The following IQSEC1 variants were observed in gnomAD, a reference collection of about 807,000 sequenced individuals.
IQSEC1 encodes the protein IQ motif and SEC7 domain-containing protein 1.
Under a neutral mutation model 91.0 loss-of-function variants are expected in IQSEC1, and 31 were observed. That is an observed-to-expected ratio of 0.34 (90% confidence interval 0.26 to 0.46). The LOEUF (loss-of-function observed/expected upper bound fraction) is 0.46. Ranked by LOEUF, IQSEC1 falls within the 20% of genes least tolerant of loss-of-function variation. The pLI is 1.00. For missense variants in IQSEC1, 1,388 were observed against 1,575.6 expected, an observed-to-expected ratio of 0.88 and a Z score of 2.02; for synonymous variants, 699 against 662.6, an observed-to-expected ratio of 1.05 and a Z score of -0.84.
intron 1 of IQSEC1, chr3:13,053,166 G>A (rs1213000541): frequency 9.3e-6 from 7 of 750,158 alleles, no homozygotes; most frequent in African/African-American, 3.4e-5. Flanking sequence ...ATGGAGAAAG[G>A]AAGAGAGGGG....
intron 12 of IQSEC1, among the ~76,000 whole-genome samples, chr3:12,905,520 A>G (rs1419282330): frequency 6.6e-6 from 1 of 152,252 alleles, no homozygotes; most frequent in East Asian, 1.9e-4. Context: ...ACGGGCCCAC[A>G]GGGTCTGACC....
chr3:13,191,326 T>C (rs1694026242), intron 1 of IQSEC1, among the ~76,000 whole-genome samples: 1 of 152,196 alleles, frequency 6.6e-6, no homozygotes, highest in Non-Finnish European at 1.5e-5. Context: ...ATCTTCCTCA[T>C]GCTGCCATAG....
intron 1 of IQSEC1, among the ~76,000 whole-genome samples, chr3:13,258,662 G>A (rs1239645991): frequency 1.3e-5 from 2 of 152,046 alleles, no homozygotes; most frequent in Non-Finnish European, 2.9e-5. Flanking sequence ...ATCCAGCCTG[G>A]GCAACAGCAT....
At chr3:12,906,677 C>T (rs548984489) in intron 12 of IQSEC1, among the ~76,000 whole-genome samples, 12 of 152,364 alleles carry the variant, frequency 7.9e-5, no homozygotes, top group Middle Eastern at 3.4e-3. Flanking sequence ...ACCCCTCACA[C>T]GAACCTGGGG....
At chr3:12,946,571 A>G (rs1699197323) in intron 1 of IQSEC1, among the ~76,000 whole-genome samples, 1 of 152,236 alleles carries the variant, frequency 6.6e-6, no homozygotes, top group African/African-American at 2.4e-5. Flanking sequence ...ACATCTGGAA[A>G]TAACCTAAAT....
intron 1 of IQSEC1, among the ~76,000 whole-genome samples, chr3:13,245,055 A>C (rs2125107907): frequency 6.6e-6 from 1 of 152,346 alleles, no homozygotes; most frequent in East Asian, 1.9e-4. Flanking sequence ...TTGATGGCTT[A>C]AAACAGCCAA....
rs1696916413 is a variant in IQSEC1 at position 12,924,306 on chromosome 3, A to C, written c.1730+275T>G. 6.6e-6 allele frequency among the ~76,000 whole-genome samples: 1 copy of C among 152,076 alleles called. No individual in the cohort carries two copies. The highest frequency in any genetic ancestry group is 1.5e-5 in the Non-Finnish European group (1 of 67,986). ...TCAACCGTGCTTAGGGATGGAGGGA[A>C]GGGAGGGGCCAAGGGTGCATGCCAG... On this transcript the variant is annotated intron_variant, in intron 4 of 13. Transcript: ENST00000613206. This position sits in a 1 kb window ranked among gnomAD's most constrained non-coding sequence, Gnocchi z 6.3.
At chr3:13,121,703 C>A (rs1180462786) in intron 2 of IQSEC1, among the ~76,000 whole-genome samples, 1 of 152,196 alleles carries the variant, frequency 6.6e-6, no homozygotes, top group African/African-American at 2.4e-5. Flanking sequence ...CTGTGAGGTG[C>A]AAAAGAGAGC....
At chr3:12,903,606 G>A (rs1694625009) in intron 12 of IQSEC1, among the ~76,000 whole-genome samples, 1 of 152,222 alleles carries the variant, frequency 6.6e-6, no homozygotes, top group Non-Finnish European at 1.5e-5. Flanking sequence ...GTCAGAGCAA[G>A]GCCAGGTCTT....
Position 13,018,505 on chromosome 3 carries a change from G to A in IQSEC1, c.23+54487C>T, listed in dbSNP as rs146165623. 1.6e-3 allele frequency among the ~76,000 whole-genome samples: 243 copies of A among 152,336 alleles called. 1 individual carries two copies. Among genetic ancestry groups the A allele is most frequent in the African/African-American group, 4.1e-3 (172 of 41,562 alleles). On this transcript the variant is annotated intron_variant, in intron 1 of 13. Coordinates refer to ENST00000613206, the MANE Select transcript of IQSEC1 (RefSeq NM_001134382.3). ...AACGATCTTTCTTTTTCAATATAAT[G>A]CCAGATGCAAAAGTGATCTTCCTGC...
chr3:13,034,507 G>C (rs1016252046), intron 1 of IQSEC1, among the ~76,000 whole-genome samples: 28 of 152,208 alleles, frequency 1.8e-4, no homozygotes, highest in Admixed American at 2.6e-4. Flanking sequence ...GGCAGCCGGG[G>C]AGGAGGAGAG....
chr3:12,948,316 G>A (rs1699314809), intron 1 of IQSEC1, among the ~76,000 whole-genome samples: 1 of 152,244 alleles, frequency 6.6e-6, no homozygotes, highest in Admixed American at 6.5e-5. Context: ...CCCAAGCCAG[G>A]GTCACCTGCC....
At chr3:13,106,040 G>A (rs905269187) in intron 2 of IQSEC1, among the ~76,000 whole-genome samples, 1 of 152,298 alleles carries the variant, frequency 6.6e-6, no homozygotes, top group African/African-American at 2.4e-5. Flanking sequence ...CTATGATGGA[G>A]GTGGAGCCAC....
chr3:13,173,140 C>A (rs1431396342), intron 1 of IQSEC1, among the ~76,000 whole-genome samples: 5 of 152,222 alleles, frequency 3.3e-5, no homozygotes, highest in Non-Finnish European at 5.9e-5. Flanking sequence ...ATCTGAGAAA[C>A]CTCCAAGGAC....
intron 1 of IQSEC1, among the ~76,000 whole-genome samples, chr3:13,043,924 A>G (rs905464800): frequency 2.6e-5 from 4 of 152,208 alleles, no homozygotes; most frequent in Non-Finnish European, 5.9e-5. Flanking sequence ...AAACAGAGGC[A>G]CAGAGAAGAC....
At chr3:13,127,618 C>A (rs1057142195) in intron 2 of IQSEC1, among the ~76,000 whole-genome samples, 6 of 151,968 alleles carry the variant, frequency 3.9e-5, no homozygotes, top group African/African-American at 1.2e-4. Context: ...GGTCGTTTGC[C>A]TTTCTGGATA....
rs1476333859 is a variant in IQSEC1 at position 12,967,041 on chromosome 3, C to T, written c.24-25176G>A. Among the ~76,000 whole-genome samples, 1 of 151,964 alleles carries T rather than the reference C, an allele frequency of 6.6e-6. No individual in the cohort carries two copies. Among genetic ancestry groups the T allele is most frequent in the Non-Finnish European group, 1.5e-5 (1 of 67,990 alleles). On this transcript the variant is annotated intron_variant, in intron 1 of 13. Coordinates refer to ENST00000613206, the MANE Select transcript of IQSEC1 (RefSeq NM_001134382.3). The surrounding 1 kb of genome is among the most constrained non-coding windows in gnomAD (Gnocchi z 5.9). ...ACCCACACCGAGTCCCACTGTTTCC[C>T]TCTCAAGCCCCCAAACTCAAACTCA... is the stretch of plus-strand genomic sequence containing the variant.
Position 12,901,519 on chromosome 3 carries a change from A to G in IQSEC1, c.2809T>C (p.Ser937Pro). 1.3e-6 allele frequency: 2 copies of G among 1,547,802 alleles called. No homozygotes were observed. Among genetic ancestry groups the G allele is most frequent in the Non-Finnish European group, 8.7e-7 (1 of 1,145,882 alleles). ...CGCATGTGAGGACTGCTAATGATGG[A>G]CCCCTAAAAAGGAAATTCATAGAAA... ...AGSLESNVEG[S>P]IISSPHMRRR... is the part of the protein sequence containing the mutation. Residue 937 changes from serine to proline, a missense_variant, in exon 14 of 14, where the codon TCC (serine) becomes CCC (proline). This residue lies in a region of IQSEC1 where 329 missense variants were observed against 257.8 expected (regional missense o/e 1.28). Transcript: ENST00000613206.
chr3:12,909,212 G>T lies in IQSEC1; in HGVS notation c.2578+61C>A, dbSNP rs1209201436. 1.9e-6 allele frequency: 3 copies of T among 1,559,050 alleles called. No homozygotes were observed. In the African/African-American group the frequency reaches 4.1e-5, roughly 21 times the overall value. On this transcript the variant is annotated intron_variant, in intron 11 of 13. Transcript: ENST00000613206. This position sits in a 1 kb window ranked among gnomAD's most constrained non-coding sequence, Gnocchi z 4.9. The stretch of plus-strand genomic sequence containing the variant: ...GCTCAGAAGTCACTGCCCTGACATG[G>T]GGAGGCAAGTGCCAGAGTCTGGCAA...
Sources: allele counts gnomAD v4.1 joint callset (sites outside exome capture counted in the v4.1 genomes callset), GRCh38; gene constraint gnomAD v4.1.1; regional missense constraint gnomAD v4.1.1; non-coding constraint Gnocchi (gnomAD v3.1); transcripts MANE v1.5; gene names NCBI Gene and HGNC (gene_info 2026-07-23, HGNC 2026-07-21).